KIF16B: variants seen among roughly 807,000 people sequenced by gnomAD.
The protein encoded by KIF16B is kinesin-like protein KIF16B.
Under a neutral mutation model 156.3 loss-of-function variants are expected in KIF16B, and 98 were observed. The ratio of observed to expected loss-of-function variants is 0.63; its 90% CI spans 0.53 to 0.74. The LOEUF (loss-of-function observed/expected upper bound fraction) is 0.74. Ranked by LOEUF, KIF16B falls within the 30% of genes least tolerant of loss-of-function variation. The pLI, the probability that KIF16B is intolerant of heterozygous loss-of-function variation, is 0.00. For missense variants in KIF16B, 1,421 were observed against 1,606.5 expected, an observed-to-expected ratio of 0.88 and a Z score of 1.97; for synonymous variants, 564 against 583.7, an observed-to-expected ratio of 0.97 and a Z score of 0.49.
intron 24 of KIF16B, among the ~76,000 whole-genome samples, chr20:16,312,829 A>C (rs1182864287): frequency 1.3e-5 from 2 of 150,602 alleles, no homozygotes; most frequent in Non-Finnish European, 2.9e-5. Context: ...AAGAATTTGA[A>C]AATTCAACCT....
intron 20 of KIF16B, 86 bp downstream of exon 20, chr20:16,374,171 C>T: frequency 7.5e-7 from 1 of 1,334,404 alleles, no homozygotes; most frequent in Non-Finnish European, 1.0e-6. Flanking sequence ...ATAGAGCCCT[C>T]CAGATACAAA....
chr20:16,479,359 C>A (rs61315649), intron 12 of KIF16B, among the ~76,000 whole-genome samples: 1 of 151,882 alleles, frequency 6.6e-6, no homozygotes, highest in African/African-American at 2.4e-5. Flanking sequence ...GGACTGGAGG[C>A]GGCGGATGGG....
chr20:16,410,062 T>C lies in KIF16B; in HGVS notation c.1613-3606A>G, dbSNP rs1462794925. Among the ~76,000 whole-genome samples the C allele has an allele frequency of 1.8e-5, 2 of 111,522 alleles. 1 individual carries two copies. The allele number at this position is 111,522 out of a possible 152,430, so 73.2% of individuals were successfully genotyped here. On this transcript the variant is annotated intron_variant, in intron 15 of 25. Coordinates refer to ENST00000354981, the MANE Select transcript of KIF16B (RefSeq NM_024704.5). ...ATATATATATGTTGGTACATATATA[T>C]ATATGTAGGTACATATATATATATG...
At chr20:16,294,722 G>T (rs758794211) in intron 25 of KIF16B, among the ~76,000 whole-genome samples, 1 of 152,140 alleles carries the variant, frequency 6.6e-6, no homozygotes, top group Non-Finnish European at 1.5e-5. Context: ...GCCCACCATG[G>T]CTATGGCTAA....
chr20:16,341,953 T>C (rs1322027655), intron 23 of KIF16B, among the ~76,000 whole-genome samples: 1 of 152,112 alleles, frequency 6.6e-6, no homozygotes, highest in Non-Finnish European at 1.5e-5. Context: ...TAAAGAAATA[T>C]AGTATATTCG....
At chr20:16,354,567 G>A (rs6080238) in intron 23 of KIF16B, among the ~76,000 whole-genome samples, 1 of 151,988 alleles carries the variant, frequency 6.6e-6, no homozygotes, top group Non-Finnish European at 1.5e-5. Flanking sequence ...ATAGATATTA[G>A]GTCAGGGGCA....
intron 12 of KIF16B, among the ~76,000 whole-genome samples, chr20:16,492,625 C>T (rs1367465824): frequency 6.6e-6 from 1 of 151,932 alleles, no homozygotes; most frequent in East Asian, 1.9e-4. Flanking sequence ...AGAAAAAGTT[C>T]AGGCTGTCAT....
At chr20:16,419,018 A>G (rs758314906) in intron 15 of KIF16B, among the ~76,000 whole-genome samples, 2 of 152,056 alleles carry the variant, frequency 1.3e-5, no homozygotes, top group East Asian at 1.9e-4. Flanking sequence ...AATCACAGAC[A>G]TAAAAAACCC....
intron 1 of KIF16B, among the ~76,000 whole-genome samples, chr20:16,567,328 G>T (rs1423515170): frequency 6.6e-6 from 1 of 152,154 alleles, no homozygotes; most frequent in Non-Finnish European, 1.5e-5. Flanking sequence ...TCCCTTCAGG[G>T]CTCAACTCAA....
intron 25 of KIF16B, among the ~76,000 whole-genome samples, chr20:16,299,237 T>C (rs2063436710): frequency 6.6e-6 from 1 of 152,134 alleles, no homozygotes; most frequent in South Asian, 2.1e-4. Flanking sequence ...TGTGTGTGTA[T>C]GTGTGTGTGC....
chr20:16,498,995 T>G (rs1483656115), intron 10 of KIF16B, among the ~76,000 whole-genome samples: 1 of 152,064 alleles, frequency 6.6e-6, no homozygotes, highest in East Asian at 1.9e-4. Context: ...AAAGCAGAGC[T>G]GGCCAGAAAG....
intron 15 of KIF16B, among the ~76,000 whole-genome samples, chr20:16,420,042 C>T (rs1341748167): frequency 6.6e-6 from 1 of 152,012 alleles, no homozygotes; most frequent in African/African-American, 2.4e-5. Context: ...ATGAGGAGAA[C>T]TAAGCTTTGG....
At chr20:16,442,211 TTAA>T (rs202162825) in intron 12 of KIF16B, among the ~76,000 whole-genome samples, 219 of 152,226 alleles carry the variant, frequency 1.4e-3, no homozygotes, top group African/African-American at 5.0e-3. Context: ...GTGACTATAC[TTAA>T]TGATGATATA....
At chr20:16,444,944 A>G (rs546837433) in intron 12 of KIF16B, among the ~76,000 whole-genome samples, 1 of 152,340 alleles carries the variant, frequency 6.6e-6, no homozygotes, top group East Asian at 1.9e-4. Flanking sequence ...ACTGAACTCA[A>G]CTGAGGGCAA....
chr20:16,528,334 G>A (rs759233270), intron 2 of KIF16B, 37 bp downstream of exon 2: 1 of 1,514,302 alleles, frequency 6.6e-7, no homozygotes, highest in Non-Finnish European at 9.2e-7. Flanking sequence ...CAATCATGGG[G>A]CTCTTGGAAC....
chr20:16,559,794 C>A (rs6111180), intron 1 of KIF16B, among the ~76,000 whole-genome samples: 135 of 151,538 alleles, frequency 8.9e-4, no homozygotes, highest in African/African-American at 3.2e-3. Context: ...AAAAAAAATG[C>A]TTTACATGAT....
chr20:16,571,082 C>T (rs2071433045), intron 1 of KIF16B, among the ~76,000 whole-genome samples: 1 of 151,974 alleles, frequency 6.6e-6, no homozygotes, highest in Non-Finnish European at 1.5e-5. Context: ...GTACTTGACA[C>T]TTAATACATC....
At chr20:16,543,624 T>C (rs1002362184) in intron 1 of KIF16B, among the ~76,000 whole-genome samples, 1 of 152,078 alleles carries the variant, frequency 6.6e-6, no homozygotes, top group Non-Finnish European at 1.5e-5. Context: ...TCCCAAACCA[T>C]AAAGGACTAA....
intron 12 of KIF16B, among the ~76,000 whole-genome samples, chr20:16,452,557 C>T (rs953799087): frequency 2.0e-5 from 3 of 151,886 alleles, no homozygotes; most frequent in Non-Finnish European, 4.4e-5. Flanking sequence ...CTCAGGAGGC[C>T]GGGAGCAGTG....
Sources: allele counts gnomAD v4.1 joint callset (sites outside exome capture counted in the v4.1 genomes callset), GRCh38; gene constraint gnomAD v4.1.1; transcripts MANE v1.5; gene names NCBI Gene and HGNC (gene_info 2026-07-23, HGNC 2026-07-21).